The following ACOT7 variants were observed in gnomAD, a reference collection of about 807,000 sequenced individuals.
ACOT7 encodes cytosolic acyl coenzyme A thioester hydrolase.
In ACOT7, 12 loss-of-function variants were observed where a neutral mutation model predicts 40.2. The ratio of observed to expected loss-of-function variants is 0.30; its 90% CI spans 0.19 to 0.48. The LOEUF (loss-of-function observed/expected upper bound fraction) is 0.48, where lower values mean the gene tolerates loss of function less well. Ranked by LOEUF, ACOT7 falls within the 20% of genes least tolerant of loss-of-function variation. The pLI, the probability that ACOT7 is intolerant of heterozygous loss-of-function variation, is 0.99. For missense variants in ACOT7, 395 were observed against 530.8 expected (o/e 0.74, Z 2.51); for synonymous variants, 228 against 219.5 (o/e 1.04, Z -0.34).
chr1:6,282,660 A>G lies in ACOT7; in HGVS notation c.830-1374T>C. The G allele has an allele frequency of 8.0e-7, 1 of 1,249,290 alleles. No individual in the cohort carries two copies. The highest frequency in any genetic ancestry group is 1.1e-6 in the Non-Finnish European group (1 of 940,136). The allele number at this position is 1,249,290 out of a possible 1,614,324, so 77.4% of individuals were successfully genotyped here. A position where few individuals can be genotyped will look rare whatever the true frequency, so the allele number is the denominator to read the frequency against. ...GAGGGCGGTTAGCAGGCCAGAGGCA[A>G]GAGCGGTTATTCCATGTTAAAAAGT... On this transcript the variant is annotated intron_variant, in intron 7 of 8. Coordinates refer to ENST00000361521, the MANE Select transcript of ACOT7 (RefSeq NM_007274.4). The surrounding 1 kb of genome is among the most constrained non-coding windows in gnomAD (Gnocchi z 4.5).
chr1:6,351,643 C>T (rs1641594698), intron 1 of ACOT7, among the ~76,000 whole-genome samples: 1 of 152,194 alleles, frequency 6.6e-6, no homozygotes, highest in Admixed American at 6.5e-5. Flanking sequence ...GCTCCTGGTT[C>T]TAGAGCAGTG....
At chr1:6,383,496 A>AT (rs923765797) in intron 1 of ACOT7, among the ~76,000 whole-genome samples, 24 of 149,582 alleles carry the variant, frequency 1.6e-4, no homozygotes, top group Non-Finnish European at 2.8e-4. Context: ...CTGATGGCAG[A>AT]TTTTTTTAAC....
chr1:6,298,217 C>T (rs1015847608), intron 6 of ACOT7, among the ~76,000 whole-genome samples: 13 of 152,166 alleles, frequency 8.5e-5, no homozygotes, highest in Non-Finnish European at 1.6e-4. Context: ...TCACTGCAAC[C>T]TCTGCCTCCC....
intron 1 of ACOT7, 122 bp downstream of exon 1, chr1:6,393,135 T>C: frequency 9.2e-7 from 1 of 1,081,746 alleles, no homozygotes; most frequent in Non-Finnish European, 1.1e-6. Context: ...CGGAAGGCCG[T>C]GCGGGGAATC....
rs148173125 is a variant in ACOT7, at chr1:6,274,033, C to T, written c.1014+7069G>A. On this transcript the variant is annotated intron_variant, in intron 8 of 8. Transcript: ENST00000361521. This position sits in a 1 kb window ranked among gnomAD's most constrained non-coding sequence, Gnocchi z 5.9. ...TGGACACGGTCAGGAATGGCCACCT[C>T]TGCTCCTGAGGCTTCTTCGAGAGGA... is the stretch of plus-strand genomic sequence containing the variant. Among the ~76,000 whole-genome samples the T allele has an allele frequency of 5.0e-4, 76 of 152,344 alleles. 1 individual carries two copies. Among genetic ancestry groups the T allele is most frequent in the African/African-American group, 1.7e-3 (70 of 41,580 alleles).
chr1:6,302,164 C>A (rs1255718613), intron 6 of ACOT7, among the ~76,000 whole-genome samples: 1 of 152,164 alleles, frequency 6.6e-6, no homozygotes, highest in Admixed American at 6.5e-5. Context: ...CATCCTGACT[C>A]TGGCAGACAA....
At chr1:6,357,263 AT>A in intron 1 of ACOT7, among the ~76,000 whole-genome samples, 1 of 152,302 alleles carries the variant, frequency 6.6e-6, no homozygotes, top group South Asian at 2.1e-4. Context: ...CAGTGCTAAA[AT>A]GAAAACATTA....
intron 1 of ACOT7, among the ~76,000 whole-genome samples, chr1:6,379,998 G>A (rs1023090127): frequency 5.3e-5 from 8 of 151,708 alleles, no homozygotes; most frequent in South Asian, 4.2e-4. Flanking sequence ...CCCAGGAGGC[G>A]GAGGTTGCAG....
rs1037349659 is a variant in ACOT7, at chr1:6,294,317, A to G, written c.829+547T>C. On this transcript the variant is annotated intron_variant, in intron 7 of 8. Coordinates refer to ENST00000361521, the MANE Select transcript of ACOT7 (RefSeq NM_007274.4). This position sits in a 1 kb window ranked among gnomAD's most constrained non-coding sequence, Gnocchi z 4.6. ...CAGAGGCCTGGCCTGTCAAGCTGGCACACATACCCCAGGGACAGCTGACAC... is the reference window on the plus strand; with the variant it reads ...CAGAGGCCTGGCCTGTCAAGCTGGCGCACATACCCCAGGGACAGCTGACAC... 2.0e-5 allele frequency among the ~76,000 whole-genome samples: 3 copies of G among 152,238 alleles called. No individual in the cohort carries two copies. Among genetic ancestry groups the G allele is most frequent in the Non-Finnish European group, 4.4e-5 (3 of 68,034 alleles).
chr1:6,297,343 C>T (rs1034392804), intron 6 of ACOT7, among the ~76,000 whole-genome samples: 4 of 152,094 alleles, frequency 2.6e-5, no homozygotes, highest in Non-Finnish European at 4.4e-5. Context: ...CAGCCAAGGA[C>T]ACAGAATGAT....
intron 4 of ACOT7, among the ~76,000 whole-genome samples, chr1:6,329,827 T>C (rs1034589630): frequency 6.0e-4 from 92 of 152,078 alleles, no homozygotes; most frequent in African/African-American, 2.0e-3. Flanking sequence ...AACCAAAGCA[T>C]CCACCCCCGA....
At chr1:6,317,673 G>A (rs1000821444) in intron 6 of ACOT7, among the ~76,000 whole-genome samples, 6 of 151,826 alleles carry the variant, frequency 4.0e-5, no homozygotes, top group Admixed American at 2.0e-4. Flanking sequence ...CCCCAGGGAC[G>A]CAGTCATCCG....
chr1:6,361,883 G>A (rs1304680321), intron 1 of ACOT7, among the ~76,000 whole-genome samples: 1 of 152,164 alleles, frequency 6.6e-6, no homozygotes, highest in African/African-American at 2.4e-5. Flanking sequence ...GGCCATGTGG[G>A]TGACACATGG....
In ACOT7 at chr1:6,387,902, T is replaced by G. The variant is rs1642464579; in HGVS notation, c.143+5355A>C. Among the ~76,000 whole-genome samples, 5 of 151,680 alleles carry G rather than the reference T, an allele frequency of 3.3e-5. No individual in the cohort carries two copies. In the South Asian group the frequency reaches 1.0e-3, roughly 31 times the overall value. ...TTGCGGAATGCTCCAGAATACAAGC[T>G]CTGAGTGTGGCTTCTGTAAATCAGG... is the stretch of plus-strand genomic sequence containing the variant. On this transcript the variant is annotated intron_variant, in intron 1 of 8. Coordinates refer to ENST00000361521, the MANE Select transcript of ACOT7 (RefSeq NM_007274.4).
rs1428618671 is a variant in ACOT7, at chr1:6,380,709, T to C, written c.143+12548A>G. Among the ~76,000 whole-genome samples the C allele has an allele frequency of 5.4e-5, 6 of 110,254 alleles. 1 individual carries two copies. The highest frequency in any genetic ancestry group is 2.5e-4 in the African/African-American group (6 of 23,546). The allele number at this position is 110,254 out of a possible 152,430, so 72.3% of individuals were successfully genotyped here. A position where few individuals can be genotyped will look rare whatever the true frequency, so the allele number is the denominator to read the frequency against. On this transcript the variant is annotated intron_variant, in intron 1 of 8. Coordinates refer to ENST00000361521, the MANE Select transcript of ACOT7 (RefSeq NM_007274.4). ...TGAGTTGCACCTTTACCTAATAGCA[T>C]ATACAAAAAAAAAAAAAAACTCAAA... is the stretch of plus-strand genomic sequence containing the variant.
At position 6,352,847 on chromosome 1, in the gene ACOT7, C is replaced by T. The variant is rs1480327565; in HGVS notation, c.144-2981G>A. On this transcript the variant is annotated intron_variant, in intron 1 of 8. Coordinates refer to ENST00000361521, the MANE Select transcript of ACOT7 (RefSeq NM_007274.4). This position sits in a 1 kb window ranked among gnomAD's most constrained non-coding sequence, Gnocchi z 4.5. The stretch of plus-strand genomic sequence containing the variant: ...CGTGATCCCATTTCTAATAAAGACA[C>T]GGGTACCGAAAGCACTTCATGTTCC... Among the ~76,000 whole-genome samples, 2 of 151,772 alleles carry T rather than the reference C, an allele frequency of 1.3e-5. No homozygotes were observed. Among genetic ancestry groups the T allele is most frequent in the East Asian group, 1.9e-4 (1 of 5,174 alleles).
chr1:6,297,550 C>A (rs746642129), intron 6 of ACOT7, among the ~76,000 whole-genome samples: 1 of 152,238 alleles, frequency 6.6e-6, no homozygotes, highest in Non-Finnish European at 1.5e-5. Flanking sequence ...CTAGCGCCCC[C>A]CATGGGGACC....
At chr1:6,329,775 G>A (rs542226558) in intron 4 of ACOT7, among the ~76,000 whole-genome samples, 3 of 152,132 alleles carry the variant, frequency 2.0e-5, no homozygotes, top group Admixed American at 6.5e-5. Flanking sequence ...GAGACAGGCT[G>A]TGAACCTCTT....
chr1:6,392,603 G>A lies in ACOT7; in HGVS notation c.143+654C>T, dbSNP rs114818985. On this transcript the variant is annotated intron_variant, in intron 1 of 8. Coordinates refer to ENST00000361521, the MANE Select transcript of ACOT7 (RefSeq NM_007274.4). Reference sequence around the variant, plus strand: ...CCTCTATTGTGTAAGATGCTTTCAGGCCCAACAGACCACTGATTCCCTTTT... The same window carrying A: ...CCTCTATTGTGTAAGATGCTTTCAGACCCAACAGACCACTGATTCCCTTTT... Among the ~76,000 whole-genome samples the A allele has an allele frequency of 8.0e-3, 1,214 of 152,268 alleles. 16 individuals are homozygous for A. Among genetic ancestry groups the A allele is most frequent in the African/African-American group, 0.028 (1,147 of 41,552 alleles).
Sources: allele counts gnomAD v4.1 joint callset (sites outside exome capture counted in the v4.1 genomes callset), GRCh38; gene constraint gnomAD v4.1.1; non-coding constraint Gnocchi (gnomAD v3.1); transcripts MANE v1.5; gene names NCBI Gene and HGNC (gene_info 2026-07-23, HGNC 2026-07-21).